The following TNFSF4 variants were observed in gnomAD, a reference collection of about 807,000 sequenced individuals.
TNFSF4 encodes TNF superfamily member 4.
In TNFSF4, 4 loss-of-function variants were observed where a neutral mutation model predicts 7.3. The ratio of observed to expected loss-of-function variants is 0.55; its 90% CI spans 0.27 to 1.25. The LOEUF (loss-of-function observed/expected upper bound fraction) is 1.25. TNFSF4 is among the 50% of genes most tolerant of loss of function. The pLI, the probability that TNFSF4 is intolerant of heterozygous loss-of-function variation, is 0.12. For synonymous variants in TNFSF4, 76 were observed against 83.7 expected (o/e 0.91, Z 0.50); for missense variants, 181 against 208.8 (o/e 0.87, Z 0.82).
chr1:173,443,577 G>A, the TNFSF4 span, among the ~76,000 whole-genome samples: 13 of 152,080 alleles, frequency 8.5e-5, no homozygotes, highest in Admixed American at 2.6e-4. Context: ...TATAGATAGC[G>A]ATTGATATAG....
the TNFSF4 span, among the ~76,000 whole-genome samples, chr1:173,241,767 T>G: frequency 6.6e-6 from 1 of 152,068 alleles, no homozygotes; most frequent in Non-Finnish European, 1.5e-5. Flanking sequence ...GAGAATGGGG[T>G]GACCCTTGTT....
At chr1:173,400,908 T>C in the TNFSF4 span, among the ~76,000 whole-genome samples, 2 of 152,200 alleles carry the variant, frequency 1.3e-5, no homozygotes, top group Non-Finnish European at 2.9e-5. Context: ...TAAGTAGTGA[T>C]AGAAAGTAGT....
chr1:173,320,748 A>G, the TNFSF4 span, among the ~76,000 whole-genome samples: 1 of 152,232 alleles, frequency 6.6e-6, no homozygotes, highest in Non-Finnish European at 1.5e-5. Context: ...AGAGAATAAA[A>G]TACACAGGAA....
the TNFSF4 span, among the ~76,000 whole-genome samples, chr1:173,416,608 T>TTTTTTTATTTATTTATTTATTTATTTA: frequency 9.8e-5 from 12 of 121,982 alleles, no homozygotes; most frequent in South Asian, 1.2e-3. Context: ...ATTTTTTTAT[T>TTTTTTTATTTATTTATTTATTTATTTA]TTTATTTATT....
At chr1:173,403,012 C>T in the TNFSF4 span, among the ~76,000 whole-genome samples, 1 of 152,098 alleles carries the variant, frequency 6.6e-6, no homozygotes, top group African/African-American at 2.4e-5. Context: ...ACCACGATAC[C>T]CAGCTAATTT....
chr1:173,305,701 A>C, the TNFSF4 span, among the ~76,000 whole-genome samples: 1 of 151,986 alleles, frequency 6.6e-6, no homozygotes, highest in Non-Finnish European at 1.5e-5. Context: ...ATTAAAAAAA[A>C]AAAGGGAAGT....
At chr1:173,229,862 CA>C in the TNFSF4 span, among the ~76,000 whole-genome samples, 87 of 152,250 alleles carry the variant, frequency 5.7e-4, no homozygotes, top group African/African-American at 2.0e-3. Flanking sequence ...GTAAAGGGAT[CA>C]ATTCAACAAG....
At chr1:173,386,233 C>T in the TNFSF4 span, among the ~76,000 whole-genome samples, 1 of 152,222 alleles carries the variant, frequency 6.6e-6, no homozygotes, top group Admixed American at 6.5e-5. Flanking sequence ...TGCTCCTCAA[C>T]TGCCCTACCT....
chr1:173,354,613 ATTT>A, the TNFSF4 span, among the ~76,000 whole-genome samples: 1 of 152,206 alleles, frequency 6.6e-6, no homozygotes, highest in Admixed American at 6.5e-5. Flanking sequence ...AAATTTCAAC[ATTT>A]TGAATACATC....
the TNFSF4 span, among the ~76,000 whole-genome samples, chr1:173,252,490 A>G: frequency 1.3e-5 from 2 of 152,048 alleles, no homozygotes; most frequent in Non-Finnish European, 2.9e-5. Flanking sequence ...TCTTCCTTTG[A>G]GATAATTATC....
At chr1:173,200,713 G>A (rs915855272) in intron 1 of TNFSF4, among the ~76,000 whole-genome samples, 2 of 152,082 alleles carry the variant, frequency 1.3e-5, no homozygotes, top group Non-Finnish European at 2.9e-5. Context: ...TGGCTTTCTA[G>A]GATGAAGGTC....
the TNFSF4 span, among the ~76,000 whole-genome samples, chr1:173,376,277 G>A: frequency 1.1e-4 from 16 of 152,276 alleles, no homozygotes; most frequent in East Asian, 9.6e-4. Context: ...GGAGGAGTTC[G>A]TGTCCTTTGC....
chr1:173,445,806 C>T, the TNFSF4 span, among the ~76,000 whole-genome samples: 1 of 152,262 alleles, frequency 6.6e-6, no homozygotes, highest in East Asian at 1.9e-4. Flanking sequence ...GATCTCCTAA[C>T]TCTGTGTATG....
At chr1:173,420,878 TTTTCCCCAAAGGCTCC>T in the TNFSF4 span, among the ~76,000 whole-genome samples, 2 of 152,204 alleles carry the variant, frequency 1.3e-5, no homozygotes, top group Admixed American at 6.5e-5. Context: ...AGTCAGAAAC[TTTTCCCCAAAGGCTCC>T]TGTATGGCCA....
the TNFSF4 span, among the ~76,000 whole-genome samples, chr1:173,251,165 G>C: frequency 6.6e-6 from 1 of 152,162 alleles, no homozygotes; most frequent in African/African-American, 2.4e-5. Flanking sequence ...CTATAAAGCC[G>C]CCAGGTGTTT....
chr1:173,307,288 GCTAATGTA>G, the TNFSF4 span, among the ~76,000 whole-genome samples: 1 of 151,706 alleles, frequency 6.6e-6, no homozygotes, highest in Non-Finnish European at 1.5e-5. Context: ...ACAAAATATT[GCTAATGTA>G]CTATACTAGC....
At chr1:173,328,543 T>TA in the TNFSF4 span, among the ~76,000 whole-genome samples, 408 of 134,286 alleles carry the variant, frequency 3.0e-3, 3 homozygotes, top group African/African-American at 0.011. Flanking sequence ...ATCTTCGTAA[T>TA]AAAAAAAAAA....
chr1:173,339,224 T>A, the TNFSF4 span, among the ~76,000 whole-genome samples: 1,117 of 151,908 alleles, frequency 7.4e-3, 14 homozygotes, highest in African/African-American at 0.023. Flanking sequence ...ACAAAAAAAA[T>A]TTTTTTAATT....
the TNFSF4 span, among the ~76,000 whole-genome samples, chr1:173,344,981 A>G: frequency 6.6e-6 from 1 of 152,226 alleles, no homozygotes; most frequent in African/African-American, 2.4e-5. Flanking sequence ...CTGCAAGTCT[A>G]TGTTTCAATA....
Sources: gnomAD v4.1 joint callset for allele counts (sites outside exome capture counted in the v4.1 genomes callset) on GRCh38, gnomAD v4.1.1 for gene constraint, MANE v1.5 for transcripts, NCBI Gene and HGNC (gene_info 2026-07-23, HGNC 2026-07-21) for gene names.